PDLIM4: variants seen among roughly 807,000 people sequenced by gnomAD.
PDLIM4 encodes PDZ and LIM domain 4.
A neutral mutation model predicts 31.3 loss-of-function variants in PDLIM4; 19 were observed. The ratio of observed to expected loss-of-function variants is 0.61; its 90% CI spans 0.42 to 0.89. The LOEUF (loss-of-function observed/expected upper bound fraction) is 0.89, where lower values mean the gene tolerates loss of function less well. Among genes scored for constraint, PDLIM4 ranks in the 40% least tolerant of loss-of-function variants. The pLI, the probability that PDLIM4 is intolerant of heterozygous loss-of-function variation, is 0.00. For synonymous variants in PDLIM4, 176 were observed against 190.1 expected, an observed-to-expected ratio of 0.93 and a Z score of 0.61; for missense variants, 442 against 461.1, an observed-to-expected ratio of 0.96 and a Z score of 0.38.
chr5:132,269,038 T>G (rs1287248443), intron 3 of PDLIM4, among the ~76,000 whole-genome samples: 1 of 152,212 alleles, frequency 6.6e-6, no homozygotes, highest in Non-Finnish European at 1.5e-5. Context: ...ACAAGGAACC[T>G]GATGTGGAAA....
intron 2 of PDLIM4, among the ~76,000 whole-genome samples, chr5:132,263,665 C>T (rs1756425987): frequency 6.6e-6 from 1 of 152,236 alleles, no homozygotes; most frequent in Admixed American, 6.5e-5. Flanking sequence ...GCCGTGTTCA[C>T]TGCTGAGGGG....
intron 2 of PDLIM4, among the ~76,000 whole-genome samples, chr5:132,263,272 T>C (rs1045105214): frequency 2.6e-5 from 4 of 152,158 alleles, no homozygotes; most frequent in East Asian, 1.9e-4. Context: ...TTTGGGGCTC[T>C]CTCCTAAGAC....
chr5:132,265,429 G>T (rs1756470451), intron 2 of PDLIM4, among the ~76,000 whole-genome samples: 1 of 152,210 alleles, frequency 6.6e-6, no homozygotes, highest in African/African-American at 2.4e-5. Flanking sequence ...GGTTGAGGGG[G>T]CTAGAGACAG....
At chr5:132,258,606 T>C (rs571259779) in intron 1 of PDLIM4, among the ~76,000 whole-genome samples, 9 of 151,636 alleles carry the variant, frequency 5.9e-5, no homozygotes, top group African/African-American at 2.2e-4. Flanking sequence ...TTCGAGGGGG[T>C]GCCTGTCTAG....
At chr5:132,258,912 C>A (rs558204639) in intron 1 of PDLIM4, among the ~76,000 whole-genome samples, 4 of 152,096 alleles carry the variant, frequency 2.6e-5, no homozygotes, top group African/African-American at 9.7e-5. Context: ...TGGGCCAAGC[C>A]GGCTGGGCTT....
chr5:132,269,978 A>ATG (rs34025617), intron 3 of PDLIM4, among the ~76,000 whole-genome samples: 52,189 of 151,618 alleles, frequency 0.34, 10,180 homozygotes, highest in Non-Finnish European at 0.45. Flanking sequence ...TGTTGTCCTT[A>ATG]TGTGTGTGTG....
chr5:132,266,587 GC>G, intron 3 of PDLIM4, 42 bp downstream of exon 3: 3 of 1,391,772 alleles, frequency 2.2e-6, no homozygotes, highest in Non-Finnish European at 3.0e-6. Context: ...CTCAGAGTGA[GC>G]CCAGGGCAGA....
At chr5:132,270,544 C>T (rs765217136) in intron 3 of PDLIM4, 26 of 274,268 alleles carry the variant, frequency 9.5e-5, no homozygotes, top group East Asian at 5.8e-4. Flanking sequence ...CAGGAGGCCA[C>T]ATACTCTGCT....
At chr5:132,269,941 A>G (rs915372165) in intron 3 of PDLIM4, among the ~76,000 whole-genome samples, 1 of 152,090 alleles carries the variant, frequency 6.6e-6, no homozygotes, top group Non-Finnish European at 1.5e-5. Context: ...AGTTAGTTGT[A>G]TGTAGGGAGA....
At position 132,272,623 on chromosome 5, in the gene PDLIM4, G is replaced by A; in HGVS notation, c.*394G>A. On this transcript the variant is annotated 3_prime_UTR_variant, in exon 7 of 7. Coordinates refer to ENST00000253754, the MANE Select transcript of PDLIM4 (RefSeq NM_003687.4). ...CTTAGCTGAGAACTAAGAGATGAGGGAGGCACAAACTCTGCACGGGGGAAC... is the reference window on the plus strand; with the variant it reads ...CTTAGCTGAGAACTAAGAGATGAGGAAGGCACAAACTCTGCACGGGGGAAC... The A allele has an allele frequency of 6.7e-6, 2 of 299,346 alleles. No homozygotes were observed. Among genetic ancestry groups the A allele is most frequent in the South Asian group, 6.5e-5 (2 of 30,590 alleles). The allele number at this position is 299,346 out of a possible 1,614,324, so 18.5% of individuals were successfully genotyped here. A position where few individuals can be genotyped will look rare whatever the true frequency, so the allele number is the denominator to read the frequency against.
intron 2 of PDLIM4, among the ~76,000 whole-genome samples, chr5:132,264,526 A>G (rs569396788): frequency 6.6e-6 from 1 of 152,318 alleles, no homozygotes; most frequent in South Asian, 2.1e-4. Flanking sequence ...CGCTCTGGAC[A>G]TTGAGTGATG....
chr5:132,265,075 A>G (rs1047121722), intron 2 of PDLIM4, among the ~76,000 whole-genome samples: 3 of 152,200 alleles, frequency 2.0e-5, no homozygotes, highest in African/African-American at 7.2e-5. Flanking sequence ...TCCAACACTG[A>G]GGCCACTGAT....
intron 1 of PDLIM4, among the ~76,000 whole-genome samples, chr5:132,258,146 T>C (rs1756287011): frequency 6.6e-6 from 1 of 152,142 alleles, no homozygotes; most frequent in African/African-American, 2.4e-5. Flanking sequence ...TCTAGACAGC[T>C]CTACAGAGGC....
intron 1 of PDLIM4, among the ~76,000 whole-genome samples, chr5:132,258,173 C>A (rs1756287362): frequency 6.6e-6 from 1 of 152,234 alleles, no homozygotes; most frequent in African/African-American, 2.4e-5. Context: ...ACTCTTCAGA[C>A]TCACCCCCTG....
At position 132,271,975 on chromosome 5, in the gene PDLIM4, C is replaced by A; in HGVS notation, c.789-50C>A. The A allele has an allele frequency of 1.9e-6, 3 of 1,599,480 alleles. No individual in the cohort carries two copies. In the South Asian group the frequency reaches 3.3e-5, roughly 18 times the overall value. ...CCAGGGCCCTGGATGCGGGCGCAGT[C>A]GTGAACCCATCAGTCACTCGACGCT... On this transcript the variant is annotated intron_variant, in intron 6 of 6. Transcript: ENST00000253754.
intron 1 of PDLIM4, among the ~76,000 whole-genome samples, chr5:132,259,287 G>A (rs748444453): frequency 5.3e-5 from 8 of 152,088 alleles, no homozygotes; most frequent in Non-Finnish European, 7.4e-5. Context: ...GCTCAGTGGC[G>A]GCGGCTGACG....
chr5:132,271,773 C>T lies in PDLIM4; in HGVS notation c.671-18C>T, dbSNP rs780844524. The stretch of plus-strand genomic sequence containing the variant: ...GACCTCCTCACCCCGTTCATGCCAC[C>T]TACGCTCCGGGTTTCAGGGGATTGG... On this transcript the variant is annotated intron_variant, in intron 5 of 6. Transcript: ENST00000253754. 2 of 1,548,530 alleles carry T rather than the reference C, an allele frequency of 1.3e-6. No homozygotes were observed. The highest frequency in any genetic ancestry group is 2.7e-5 in the African/African-American group (2 of 73,388).
chr5:132,257,935 G>A lies in PDLIM4; in HGVS notation c.93+108G>A. The stretch of plus-strand genomic sequence containing the variant: ...TGTGTATCCGAGGCTTGAAGGCGGA[G>A]GGTTGGCCTGGGCGCCCCGCATGCT... On this transcript the variant is annotated intron_variant, in intron 1 of 6. Coordinates refer to ENST00000253754, the MANE Select transcript of PDLIM4 (RefSeq NM_003687.4). This position sits in a 1 kb window ranked among gnomAD's most constrained non-coding sequence, Gnocchi z 4.3. 1 of 590,860 alleles carries A rather than the reference G, an allele frequency of 1.7e-6. No homozygotes were observed. 36.6% of individuals were successfully genotyped at this position (590,860 alleles called of 1,614,324 possible). A position where few individuals can be genotyped will look rare whatever the true frequency, so the allele number is the denominator to read the frequency against.
chr5:132,266,568 C>T (rs1580800893), intron 3 of PDLIM4, 23 bp downstream of exon 3: 3 of 1,560,488 alleles, frequency 1.9e-6, no homozygotes, highest in Admixed American at 1.7e-5. Context: ...ACTGCCTGGC[C>T]TGGCCTGGCT....
Sources: gnomAD v4.1 joint callset for allele counts (sites outside exome capture counted in the v4.1 genomes callset) on GRCh38, gnomAD v4.1.1 for gene constraint, Gnocchi (gnomAD v3.1) non-coding constraint, MANE v1.5 for transcripts, NCBI Gene and HGNC (gene_info 2026-07-23, HGNC 2026-07-21) for gene names.